CSNK1G3: variants seen among roughly 807,000 people sequenced by gnomAD.
The protein encoded by CSNK1G3 is casein kinase I isoform gamma-3.
In CSNK1G3, 23 loss-of-function variants were observed where a neutral mutation model predicts 64.3. That is an observed-to-expected ratio of 0.36 (90% CI 0.26 to 0.51). The LOEUF (loss-of-function observed/expected upper bound fraction) is 0.51. Among genes scored for constraint, CSNK1G3 ranks in the 20% least tolerant of loss-of-function variants. The pLI is 0.96. For synonymous variants in CSNK1G3, 158 were observed against 162.2 expected, an observed-to-expected ratio of 0.97 and a Z score of 0.20; for missense variants, 357 against 510.5, an observed-to-expected ratio of 0.70 and a Z score of 2.90.
chr5:123,604,968 A>T (rs2151159831), intron 11 of CSNK1G3, 138 bp downstream of exon 12: 4 of 630,116 alleles, frequency 6.3e-6, no homozygotes, highest in Non-Finnish European at 8.4e-6. Flanking sequence ...ATGCTTAATT[A>T]TTTTAATCAC....
At chr5:123,606,050 GTTTAGTAAAT>G (rs1795311904) in intron 12 of CSNK1G3, among the ~76,000 whole-genome samples, 1 of 151,994 alleles carries the variant, frequency 6.6e-6, no homozygotes, top group African/African-American at 2.4e-5. Flanking sequence ...AAGTTGCTTA[GTTTAGTAAAT>G]TTTGAAATAT....
chr5:123,572,026 C>T (rs962339874), intron 4 of CSNK1G3, among the ~76,000 whole-genome samples: 2 of 152,174 alleles, frequency 1.3e-5, no homozygotes, highest in Non-Finnish European at 2.9e-5. Context: ...TTACCCTTGG[C>T]TACAAGGATC....
rs144964960 is a variant in CSNK1G3, at chr5:123,592,883, A to C, written c.1086+1469A>C. Among the ~76,000 whole-genome samples the C allele has an allele frequency of 1.5e-3, 230 of 152,020 alleles. 1 individual carries two copies. The highest frequency in any genetic ancestry group is 5.1e-3 in the African/African-American group (213 of 41,536). On this transcript the variant is annotated intron_variant, in intron 10 of 12. Transcript: ENST00000345990. ...AGTTGATAGCTGGAGTGCTGTGAAA[A>C]GATTCTGTATAAAGAAAGAAATGGC...
intron 1 of CSNK1G3, among the ~76,000 whole-genome samples, chr5:123,545,110 C>T (rs1782309981): frequency 6.6e-6 from 1 of 151,914 alleles, no homozygotes; most frequent in African/African-American, 2.4e-5. Context: ...TACTTTTTGT[C>T]TAATTGAGGT....
intron 1 of CSNK1G3, among the ~76,000 whole-genome samples, chr5:123,542,870 G>A (rs1781899891): frequency 6.7e-6 from 1 of 148,952 alleles, no homozygotes; most frequent in Admixed American, 6.7e-5. Flanking sequence ...GTGTGTGTGT[G>A]TGTGTGTGTG....
At chr5:123,583,775 G>T (rs1475581238) in intron 6 of CSNK1G3, among the ~76,000 whole-genome samples, 3 of 151,642 alleles carry the variant, frequency 2.0e-5, no homozygotes, top group Non-Finnish European at 4.4e-5. Context: ...ATCCTCCTAG[G>T]CTCAAGGAAT....
At chr5:123,540,798 A>G (rs1273270947) in intron 1 of CSNK1G3, among the ~76,000 whole-genome samples, 2 of 151,946 alleles carry the variant, frequency 1.3e-5, no homozygotes, top group Admixed American at 1.3e-4. Flanking sequence ...ACGTCTGGCT[A>G]ATTTTTGTAT....
At chr5:123,568,367 G>A (rs1217876640) in intron 4 of CSNK1G3, among the ~76,000 whole-genome samples, 1 of 152,110 alleles carries the variant, frequency 6.6e-6, no homozygotes, top group Admixed American at 6.5e-5. Context: ...CCACTGGGCT[G>A]GTTGTCACCG....
intron 6 of CSNK1G3, among the ~76,000 whole-genome samples, chr5:123,580,453 A>G (rs1790026643): frequency 6.6e-6 from 1 of 152,002 alleles, no homozygotes; most frequent in Non-Finnish European, 1.5e-5. Context: ...GATCTTAACT[A>G]GGTTATTTAT....
intron 3 of CSNK1G3, among the ~76,000 whole-genome samples, chr5:123,555,344 C>T (rs1336136002): frequency 2.0e-5 from 3 of 152,046 alleles, no homozygotes; most frequent in Non-Finnish European, 4.4e-5. Flanking sequence ...TCATGATTTC[C>T]TTATATGTTT....
At chr5:123,607,823 C>T (rs896875777) in intron 12 of CSNK1G3, among the ~76,000 whole-genome samples, 14 of 152,196 alleles carry the variant, frequency 9.2e-5, no homozygotes, top group Admixed American at 8.5e-4. Context: ...CAGAAATCCT[C>T]AGAACTTTCC....
At chr5:123,579,633 T>G (rs1789870463) in intron 6 of CSNK1G3, among the ~76,000 whole-genome samples, 1 of 151,954 alleles carries the variant, frequency 6.6e-6, no homozygotes, top group Non-Finnish European at 1.5e-5. Context: ...TGAACAATGG[T>G]AAATGTAACA....
At chr5:123,610,135 T>G (rs1032215886) in intron 12 of CSNK1G3, among the ~76,000 whole-genome samples, 1 of 152,040 alleles carries the variant, frequency 6.6e-6, no homozygotes, top group Non-Finnish European at 1.5e-5. Flanking sequence ...CCTGCAGGCT[T>G]TTGGTTGGAG....
At chr5:123,600,817 G>A (rs545777268) in intron 10 of CSNK1G3, among the ~76,000 whole-genome samples, 27 of 151,588 alleles carry the variant, frequency 1.8e-4, no homozygotes, top group African/African-American at 6.0e-4. Flanking sequence ...CATCTGTTAA[G>A]TTTACAATTA....
intron 1 of CSNK1G3, among the ~76,000 whole-genome samples, chr5:123,531,644 G>T (rs1025595632): frequency 1.3e-5 from 2 of 151,864 alleles, no homozygotes; most frequent in Non-Finnish European, 2.9e-5. Context: ...TTCTTTTGAA[G>T]AATTCCTTTT....
At position 123,604,400 on chromosome 5, in the gene CSNK1G3, A is replaced by C. The variant is rs184970507; in HGVS notation, c.1087-324A>C. Among the ~76,000 whole-genome samples the C allele has an allele frequency of 3.5e-4, 54 of 152,218 alleles. 1 individual carries two copies. The highest frequency in any genetic ancestry group is 1.3e-3 in the African/African-American group (53 of 41,564). On this transcript the variant is annotated intron_variant, in intron 10 of 12. Transcript: ENST00000345990. ...GCAAGGTGCCAGAGGACATAGACAC[A>C]CAAGAGGAAACTGATTGAGACATAC...
At chr5:123,537,654 T>C (rs1480200512) in intron 1 of CSNK1G3, among the ~76,000 whole-genome samples, 1 of 152,178 alleles carries the variant, frequency 6.6e-6, no homozygotes, top group Non-Finnish European at 1.5e-5. Flanking sequence ...CGCAGTTTTT[T>C]ATGTGTGTAT....
At chr5:123,521,686 C>T (rs1221699862) in intron 1 of CSNK1G3, among the ~76,000 whole-genome samples, 1 of 151,982 alleles carries the variant, frequency 6.6e-6, no homozygotes, top group African/African-American at 2.4e-5. Context: ...TCTTCTGTGA[C>T]AGAGTAAATG....
intron 1 of CSNK1G3, among the ~76,000 whole-genome samples, chr5:123,517,729 A>G (rs1445761414): frequency 6.6e-6 from 1 of 152,182 alleles, no homozygotes; most frequent in African/African-American, 2.4e-5. Flanking sequence ...TCTGTATTAT[A>G]AGATTGTCTT....
Sources: gnomAD v4.1 joint callset for allele counts (sites outside exome capture counted in the v4.1 genomes callset) on GRCh38, gnomAD v4.1.1 for gene constraint, MANE v1.5 for transcripts, NCBI Gene and HGNC (gene_info 2026-07-23, HGNC 2026-07-21) for gene names.